Variants in GRIK1 observed in about 807,000 individuals in gnomAD.
GRIK1 encodes the protein glutamate ionotropic receptor kainate type subunit 1, also known as glutamate receptor ionotropic, kainate 1.
Under a neutral mutation model 105.7 loss-of-function variants are expected in GRIK1, and 69 were observed. The ratio of observed to expected loss-of-function variants is 0.65; its 90% CI spans 0.54 to 0.80. The LOEUF is 0.80. GRIK1 is among the 30% of genes least tolerant of loss of function. The pLI is 0.00. For missense variants in GRIK1, 1,109 were observed against 1,167.3 expected (o/e 0.95, Z 0.73); for synonymous variants, 438 against 431.3 (o/e 1.02, Z -0.19).
intron 14 of GRIK1, among the ~76,000 whole-genome samples, chr21:29,571,305 C>T (rs2090742516): frequency 2.0e-5 from 3 of 151,164 alleles, no homozygotes; most frequent in Admixed American, 2.0e-4. Flanking sequence ...TGCAGTGAGC[C>T]AAGATCACGC....
rs76630739 is a variant in GRIK1 at position 29,602,089 on chromosome 21, G to A, written c.1099-3152C>T. On this transcript the variant is annotated intron_variant, in intron 7 of 17. Transcript: ENST00000327783. ...TCTTTAAGCCACTATCAAGTTTTGC[G>A]GCCTTGGTTGAGTCATTTTGTCCCT... Among the ~76,000 whole-genome samples the A allele has an allele frequency of 9.6e-3, 1,461 of 152,198 alleles. 25 individuals carry two copies. Among genetic ancestry groups the A allele is most frequent in the African/African-American group, 0.033 (1,384 of 41,528 alleles).
intron 1 of GRIK1, among the ~76,000 whole-genome samples, chr21:29,746,840 T>G (rs889021598): frequency 7.2e-5 from 11 of 152,228 alleles, no homozygotes. Context: ...CTTTTGGTGA[T>G]TTTTACACAC....
chr21:29,719,635 C>T (rs892664282), intron 1 of GRIK1, among the ~76,000 whole-genome samples: 2 of 152,124 alleles, frequency 1.3e-5, no homozygotes, highest in African/African-American at 4.8e-5. Context: ...TCATCATCCC[C>T]TGCCAGGCAT....
At chr21:29,688,432 T>C (rs571640868) in intron 3 of GRIK1, among the ~76,000 whole-genome samples, 4 of 152,184 alleles carry the variant, frequency 2.6e-5, no homozygotes, top group African/African-American at 4.8e-5. Context: ...AGTTTGACAC[T>C]GTTTCACTTT....
chr21:29,833,917 T>C (rs1441936170), intron 1 of GRIK1, among the ~76,000 whole-genome samples: 3 of 152,194 alleles, frequency 2.0e-5, no homozygotes, highest in Admixed American at 1.3e-4. Flanking sequence ...ATGGCATTTA[T>C]GGCAGCCCTG....
At position 29,923,678 on chromosome 21, in the gene GRIK1, A is replaced by G. The variant is rs560580667; in HGVS notation, c.118+15705T>C. Reference sequence around the variant, plus strand: ...TTGCTTGTTCTTACATCTTAAGCCCATGGTAGTACTCTAAAATATGGAGTC... The same window carrying G: ...TTGCTTGTTCTTACATCTTAAGCCCGTGGTAGTACTCTAAAATATGGAGTC... On this transcript the variant is annotated intron_variant, in intron 1 of 17. Transcript: ENST00000327783. Among the ~76,000 whole-genome samples the G allele has an allele frequency of 9.2e-5, 14 of 152,324 alleles. No individual in the cohort carries two copies. The East Asian group carries it at 2.7e-3, about 29-fold the overall frequency.
chr21:29,786,253 T>C lies in GRIK1; in HGVS notation c.119-92190A>G, dbSNP rs557296576. 1.1e-3 allele frequency among the ~76,000 whole-genome samples: 166 copies of C among 152,314 alleles called. 2 individuals are homozygous for C. The highest frequency in any genetic ancestry group is 2.5e-4 in the Non-Finnish European group (17 of 68,016). ...CCGCCCGCCTCAGCCTCCCAAAGTG[T>C]TGGGAATACCCGCGTGAGCCACAGC... On this transcript the variant is annotated intron_variant, in intron 1 of 17. Transcript: ENST00000327783.
At chr21:29,594,175 A>G (rs1362269715) in intron 9 of GRIK1, among the ~76,000 whole-genome samples, 2 of 127,828 alleles carry the variant, frequency 1.6e-5, no homozygotes, top group Non-Finnish European at 3.1e-5. Context: ...TCAGCAAAAC[A>G]GAACTGTGTA....
At chr21:29,899,477 G>T (rs752393261) in intron 1 of GRIK1, among the ~76,000 whole-genome samples, 10 of 151,450 alleles carry the variant, frequency 6.6e-5, no homozygotes, top group Non-Finnish European at 1.3e-4. Context: ...GTCCTGATCA[G>T]TCTCTTGTCA....
At chr21:29,690,034 G>T in intron 2 of GRIK1, 49 bp from the exon 3 acceptor site, 2 of 1,445,900 alleles carry the variant, frequency 1.4e-6, no homozygotes, top group Non-Finnish European at 1.9e-6. Flanking sequence ...CAGGGAAAGG[G>T]GGAGAGAAAA....
chr21:29,645,578 C>T (rs116745955), intron 6 of GRIK1, among the ~76,000 whole-genome samples: 318 of 152,016 alleles, frequency 2.1e-3, no homozygotes, highest in African/African-American at 7.2e-3. Flanking sequence ...ACTATTTGTT[C>T]GAAAAAATAT....
At chr21:29,749,705 G>T (rs1208830027) in intron 1 of GRIK1, among the ~76,000 whole-genome samples, 1 of 152,160 alleles carries the variant, frequency 6.6e-6, no homozygotes, top group Non-Finnish European at 1.5e-5. Context: ...GCAAAAACAT[G>T]CAACTTGATA....
chr21:29,858,848 C>T (rs1279558061), intron 1 of GRIK1, among the ~76,000 whole-genome samples: 1 of 151,822 alleles, frequency 6.6e-6, no homozygotes, highest in African/African-American at 2.4e-5. Flanking sequence ...AGGGGCCAAA[C>T]ACACAACTTC....
At chr21:29,851,275 G>A (rs1322268520) in intron 1 of GRIK1, among the ~76,000 whole-genome samples, 2 of 151,960 alleles carry the variant, frequency 1.3e-5, no homozygotes, top group South Asian at 2.1e-4. Context: ...GGCTGGTCTC[G>A]AACTCCTGAC....
In GRIK1 at chr21:29,579,981, A is replaced by G. The variant is rs182727791; in HGVS notation, c.1912+1444T>C. Reference sequence around the variant, plus strand: ...TGTGTGTGTGTATATATATATATATATGTGTGTATATATATGTATATATAT... The same window carrying G: ...TGTGTGTGTGTATATATATATATATGTGTGTGTATATATATGTATATATAT... On this transcript the variant is annotated intron_variant, in intron 13 of 17. Coordinates refer to ENST00000327783, the MANE Select transcript of GRIK1 (RefSeq NM_001330994.2). Among the ~76,000 whole-genome samples, 1,227 of 143,544 alleles carry G rather than the reference A, an allele frequency of 8.5e-3. 8 individuals are homozygous for G. Among genetic ancestry groups the G allele is most frequent in the East Asian group, 0.025 (124 of 4,958 alleles). 94.2% of individuals were successfully genotyped at this position (143,544 alleles called of 152,430 possible).
At chr21:29,580,095 ATATG>A (rs2090992319) in intron 13 of GRIK1, among the ~76,000 whole-genome samples, 2 of 145,730 alleles carry the variant, frequency 1.4e-5, no homozygotes, top group Admixed American at 6.9e-5. Flanking sequence ...GTGTGTATAT[ATATG>A]TGTGTATATA....
intron 1 of GRIK1, among the ~76,000 whole-genome samples, chr21:29,924,604 T>A (rs2071296475): frequency 6.6e-6 from 1 of 152,188 alleles, no homozygotes; most frequent in South Asian, 2.1e-4. Flanking sequence ...AGCATTTACC[T>A]GAAAGACATG....
chr21:29,650,952 C>G (rs776021831), intron 6 of GRIK1, among the ~76,000 whole-genome samples, 166 bp downstream of exon 6: 9 of 152,184 alleles, frequency 5.9e-5, no homozygotes, highest in Non-Finnish European at 1.3e-4. Flanking sequence ...TTGCTAGTAG[C>G]CAGTCACAGC....
intron 1 of GRIK1, among the ~76,000 whole-genome samples, chr21:29,774,686 G>T (rs942614956): frequency 6.6e-6 from 1 of 152,022 alleles, no homozygotes; most frequent in Non-Finnish European, 1.5e-5. Flanking sequence ...TCCTGACCTT[G>T]TGATCCACCT....
Sources: gnomAD v4.1 joint callset for allele counts (sites outside exome capture counted in the v4.1 genomes callset) on GRCh38, gnomAD v4.1.1 for gene constraint, MANE v1.5 for transcripts, NCBI Gene and HGNC (gene_info 2026-07-23, HGNC 2026-07-21) for gene names.